LAPTM4B: variants seen among roughly 807,000 people sequenced by gnomAD.
LAPTM4B encodes lysosomal protein transmembrane 4 beta.
LAPTM4B carries 26 observed loss-of-function variants against 28.5 expected under a neutral mutation model. That is an observed-to-expected ratio of 0.91 (90% CI 0.67 to 1.27). The LOEUF is 1.27. LAPTM4B is among the 50% of genes most tolerant of loss of function. LAPTM4B has a pLI of 0.00. For synonymous variants in LAPTM4B, 109 were observed against 106.4 expected, an observed-to-expected ratio of 1.02 and a Z score of -0.15; for missense variants, 288 against 285.8, an observed-to-expected ratio of 1.01 and a Z score of -0.06.
At chr8:97,791,133 T>G (rs1010364131) in intron 1 of LAPTM4B, among the ~76,000 whole-genome samples, 5 of 152,108 alleles carry the variant, frequency 3.3e-5, no homozygotes, top group African/African-American at 1.2e-4. Flanking sequence ...CTCGAGCTTC[T>G]GGGTTCAAGC....
chr8:97,833,836 A>G (rs988559445), intron 6 of LAPTM4B, among the ~76,000 whole-genome samples: 1 of 152,210 alleles, frequency 6.6e-6, no homozygotes, highest in Admixed American at 6.5e-5. Context: ...TATGATCTAT[A>G]ATTCCTATTT....
intron 2 of LAPTM4B, among the ~76,000 whole-genome samples, chr8:97,813,032 A>T (rs984757129): frequency 6.6e-6 from 1 of 152,228 alleles, no homozygotes. Context: ...GTAGGATGTT[A>T]TATTAGTCAG....
intron 6 of LAPTM4B, 26 bp downstream of exon 6, chr8:97,825,179 A>T (rs1586338363): frequency 8.2e-7 from 1 of 1,222,228 alleles, no homozygotes; most frequent in Non-Finnish European, 1.2e-6. Flanking sequence ...CTTATGGTAG[A>T]GATCTCGCCC....
chr8:97,788,269 C>T, intron 1 of LAPTM4B: 1 of 361,076 alleles, frequency 2.8e-6, no homozygotes, highest in South Asian at 2.8e-5. Flanking sequence ...ATTTCATTAC[C>T]AGTTGTTAAT....
At chr8:97,786,166 A>C (rs1816396631) in intron 1 of LAPTM4B, among the ~76,000 whole-genome samples, 1 of 152,146 alleles carries the variant, frequency 6.6e-6, no homozygotes, top group Admixed American at 6.6e-5. Flanking sequence ...CTCTTAGTAG[A>C]GCTTTTGGAG....
intron 2 of LAPTM4B, among the ~76,000 whole-genome samples, chr8:97,810,168 A>G (rs1178199675): frequency 4.6e-5 from 7 of 152,072 alleles, no homozygotes; most frequent in Admixed American, 4.6e-4. Flanking sequence ...GCAATTCGTC[A>G]TTCTCGACGT....
At chr8:97,777,473 T>C (rs759346561) in intron 1 of LAPTM4B, among the ~76,000 whole-genome samples, 2 of 152,054 alleles carry the variant, frequency 1.3e-5, no homozygotes, top group Non-Finnish European at 2.9e-5. Flanking sequence ...ATCTCTTTAA[T>C]GAGTTGGGGT....
At position 97,801,079 on chromosome 8, in the gene LAPTM4B, C is replaced by T. The variant is rs983120165; in HGVS notation, c.100-4274C>T. Among the ~76,000 whole-genome samples the T allele has an allele frequency of 5.3e-5, 8 of 152,098 alleles. No individual in the cohort carries two copies. In the East Asian group the frequency reaches 5.8e-4, roughly 11 times the overall value. On this transcript the variant is annotated intron_variant, in intron 1 of 6. Coordinates refer to ENST00000521545, the MANE Select transcript of LAPTM4B (RefSeq NM_018407.6). ...CTGCTCCCTCCTCTAAAGCTTTTTG[C>T]CCATGAATCCCAAATTTATGTTTTT...
intron 6 of LAPTM4B, among the ~76,000 whole-genome samples, chr8:97,830,439 T>C (rs368415207): frequency 2.2e-4 from 33 of 152,090 alleles, no homozygotes; most frequent in Middle Eastern, 3.2e-3. Context: ...GAGCCGGCAA[T>C]GTAGACAAAA....
chr8:97,839,750 A>G (rs1320242762), intron 6 of LAPTM4B, among the ~76,000 whole-genome samples: 2 of 152,218 alleles, frequency 1.3e-5, no homozygotes, highest in Non-Finnish European at 2.9e-5. Context: ...CCATTTTACT[A>G]TAAAACACAC....
intron 1 of LAPTM4B, among the ~76,000 whole-genome samples, chr8:97,787,450 T>C (rs1168841774): frequency 6.6e-6 from 1 of 152,022 alleles, no homozygotes; most frequent in Non-Finnish European, 1.5e-5. Context: ...CAGGCCCAGC[T>C]AATTTTTGTA....
At position 97,775,986 on chromosome 8, in the gene LAPTM4B, G is replaced by T. The variant is rs758791559; in HGVS notation, c.-24G>T. 6.4e-7 allele frequency: 1 copy of T among 1,561,358 alleles called. No homozygotes were observed. Among genetic ancestry groups the T allele is most frequent in the African/African-American group, 1.4e-5 (1 of 70,696 alleles). On this transcript the variant is annotated 5_prime_UTR_variant, in exon 1 of 7. Coordinates refer to ENST00000521545, the MANE Select transcript of LAPTM4B (RefSeq NM_018407.6). ...GACGCTCCTGAAAACTTGCGCGCGCGCTCGCGCCACTGCGCCCGGAGCGAT... is the reference window on the plus strand; with the variant it reads ...GACGCTCCTGAAAACTTGCGCGCGCTCTCGCGCCACTGCGCCCGGAGCGAT...
chr8:97,825,374 ACT>A (rs931356546), intron 6 of LAPTM4B, among the ~76,000 whole-genome samples: 6 of 152,134 alleles, frequency 3.9e-5, no homozygotes, highest in African/African-American at 1.4e-4. Flanking sequence ...AGATGGCTCA[ACT>A]CTGGTTTATT....
intron 6 of LAPTM4B, among the ~76,000 whole-genome samples, chr8:97,829,543 T>C (rs1586340473): frequency 6.6e-6 from 1 of 151,974 alleles, no homozygotes; most frequent in Middle Eastern, 3.4e-3. Context: ...GGAGCAGCAA[T>C]GGGGATAGTT....
chr8:97,849,823 C>T (rs1020235383), intron 6 of LAPTM4B, among the ~76,000 whole-genome samples: 1 of 150,188 alleles, frequency 6.7e-6, no homozygotes, highest in Admixed American at 6.6e-5. Flanking sequence ...TGCCCGCCTG[C>T]CCGCCCCCGG....
At chr8:97,837,277 C>T (rs887345740) in intron 6 of LAPTM4B, among the ~76,000 whole-genome samples, 1 of 150,808 alleles carries the variant, frequency 6.6e-6, no homozygotes, top group East Asian at 1.9e-4. Context: ...ACTGCAGCCT[C>T]TGCTTCCCAG....
intron 1 of LAPTM4B, among the ~76,000 whole-genome samples, chr8:97,804,716 G>A (rs1304028129): frequency 5.3e-5 from 8 of 152,212 alleles, no homozygotes; most frequent in Non-Finnish European, 1.2e-4. Flanking sequence ...AGAAGTGGGA[G>A]ATGTTAAAGA....
intron 1 of LAPTM4B, among the ~76,000 whole-genome samples, chr8:97,802,035 A>G (rs774279052): frequency 5.9e-5 from 9 of 152,252 alleles, no homozygotes; most frequent in Non-Finnish European, 1.2e-4. Context: ...TGTGCTATGA[A>G]ATTTCTTGGA....
intron 1 of LAPTM4B, among the ~76,000 whole-genome samples, chr8:97,793,410 C>T (rs1348088203): frequency 6.6e-6 from 1 of 152,018 alleles, no homozygotes; most frequent in East Asian, 1.9e-4. Flanking sequence ...TATAAACACC[C>T]TATGAGGCTG....
Sources: gnomAD v4.1 joint callset for allele counts (sites outside exome capture counted in the v4.1 genomes callset) on GRCh38, gnomAD v4.1.1 for gene constraint, MANE v1.5 for transcripts, NCBI Gene and HGNC (gene_info 2026-07-23, HGNC 2026-07-21) for gene names.